SPOCK1: variants seen among roughly 807,000 people sequenced by gnomAD.
SPOCK1 encodes the protein SPARC (osteonectin), cwcv and kazal like domains proteoglycan 1.
A neutral mutation model predicts 55.3 loss-of-function variants in SPOCK1; 23 were observed. The observed-to-expected ratio is 0.42, with a 90% CI of 0.30 to 0.59. The LOEUF (loss-of-function observed/expected upper bound fraction) is 0.59, where lower values mean the gene tolerates loss of function less well. Ranked by LOEUF, SPOCK1 falls within the 20% of genes least tolerant of loss-of-function variation. The pLI, the probability that SPOCK1 is intolerant of heterozygous loss-of-function variation, is 0.22. For synonymous variants in SPOCK1, 226 were observed against 221.0 expected (o/e 1.02, Z -0.20); for missense variants, 499 against 552.5 (o/e 0.90, Z 0.97).
intron 7 of SPOCK1, among the ~76,000 whole-genome samples, chr5:136,990,298 G>A (rs1176053992): frequency 6.6e-6 from 1 of 151,824 alleles, no homozygotes; most frequent in Non-Finnish European, 1.5e-5. Flanking sequence ...CCTCCTCTGA[G>A]CTCTCTTATA....
intron 2 of SPOCK1, among the ~76,000 whole-genome samples, chr5:137,488,321 G>A (rs1015468681): frequency 1.3e-5 from 2 of 152,092 alleles, no homozygotes; most frequent in African/African-American, 2.4e-5. Context: ...AGGTTGCAGT[G>A]AGCTGAGATC....
intron 2 of SPOCK1, among the ~76,000 whole-genome samples, chr5:137,463,465 A>G (rs943839862): frequency 6.6e-6 from 1 of 150,482 alleles, no homozygotes; most frequent in Non-Finnish European, 1.5e-5. Flanking sequence ...TAAAAATCAA[A>G]ACCATTGAAC....
chr5:137,065,300 A>T (rs1423123753), intron 6 of SPOCK1, among the ~76,000 whole-genome samples: 1 of 151,718 alleles, frequency 6.6e-6, no homozygotes, highest in East Asian at 1.9e-4. Context: ...TTTCTCCTGC[A>T]TTAGGATACT....
chr5:136,983,757 T>A (rs1266014135), intron 9 of SPOCK1, among the ~76,000 whole-genome samples: 2 of 138,588 alleles, frequency 1.4e-5, no homozygotes, highest in Non-Finnish European at 3.3e-5. Flanking sequence ...CCTGACTACA[T>A]AAAGAATTTG....
intron 6 of SPOCK1, among the ~76,000 whole-genome samples, chr5:137,017,279 T>C (rs1403885747): frequency 1.3e-5 from 2 of 151,738 alleles, no homozygotes; most frequent in Non-Finnish European, 2.9e-5. Context: ...TGGCAGTACC[T>C]TGATGTGGTA....
chr5:137,312,600 T>G (rs1390364455), intron 2 of SPOCK1, among the ~76,000 whole-genome samples: 2 of 152,184 alleles, frequency 1.3e-5, no homozygotes, highest in East Asian at 3.9e-4. Context: ...GAAGTGCCAA[T>G]GCAGGAGCCC....
At chr5:137,130,036 C>T (rs531483188) in intron 4 of SPOCK1, among the ~76,000 whole-genome samples, 6 of 152,252 alleles carry the variant, frequency 3.9e-5, no homozygotes, top group Admixed American at 6.5e-5. Flanking sequence ...AAGTTCTTCC[C>T]GTAGTTGGTT....
chr5:137,098,955 G>C (rs1380844585), intron 5 of SPOCK1, among the ~76,000 whole-genome samples: 2 of 145,512 alleles, frequency 1.4e-5, no homozygotes, highest in African/African-American at 2.6e-5. Flanking sequence ...TTCTCAAAGA[G>C]GGGGAAGAAG....
intron 5 of SPOCK1, among the ~76,000 whole-genome samples, chr5:137,080,686 A>AGAAT (rs1035348133): frequency 1.3e-5 from 2 of 152,184 alleles, no homozygotes; most frequent in Non-Finnish European, 2.9e-5. Flanking sequence ...CTTGAGTAAA[A>AGAAT]GAATGAATGA....
At chr5:137,005,271 G>A (rs989369068) in intron 6 of SPOCK1, among the ~76,000 whole-genome samples, 9 of 151,978 alleles carry the variant, frequency 5.9e-5, no homozygotes, top group Non-Finnish European at 1.2e-4. Context: ...CATCCACAAG[G>A]CTTCCTTTTG....
intron 4 of SPOCK1, among the ~76,000 whole-genome samples, chr5:137,131,865 G>T (rs1426275927): frequency 7.2e-6 from 1 of 138,120 alleles, no homozygotes; most frequent in East Asian, 2.2e-4. Flanking sequence ...CCAGCTACTC[G>T]GGAGGCTGAG....
intron 2 of SPOCK1, among the ~76,000 whole-genome samples, chr5:137,348,277 C>G (rs754378889): frequency 3.3e-5 from 5 of 152,166 alleles, no homozygotes; most frequent in Non-Finnish European, 7.4e-5. Flanking sequence ...ATAACAATGA[C>G]AATGTCTGCA....
At chr5:137,089,709 G>C (rs1422894721) in intron 5 of SPOCK1, among the ~76,000 whole-genome samples, 1 of 152,192 alleles carries the variant, frequency 6.6e-6, no homozygotes, top group Non-Finnish European at 1.5e-5. Flanking sequence ...AGTCCCATCA[G>C]ATGCATCATC....
At chr5:137,170,623 G>C (rs1580788504) in intron 3 of SPOCK1, among the ~76,000 whole-genome samples, 1 of 131,958 alleles carries the variant, frequency 7.6e-6, no homozygotes, top group Non-Finnish European at 1.7e-5. Flanking sequence ...CTCTCTCTCT[G>C]TGGACACTAA....
intron 3 of SPOCK1, among the ~76,000 whole-genome samples, chr5:137,207,597 A>C (rs1027406094): frequency 1.3e-5 from 2 of 152,102 alleles, no homozygotes; most frequent in Non-Finnish European, 2.9e-5. Flanking sequence ...GGGTGGACTT[A>C]ATAGAGCCCT....
intron 2 of SPOCK1, among the ~76,000 whole-genome samples, chr5:137,449,905 AAAAAAAAAAAAAGAAAGAAAGAAAAAG>A (rs1753217250): frequency 6.9e-6 from 1 of 145,044 alleles, no homozygotes; most frequent in Admixed American, 6.7e-5. Context: ...AAAAAAAAAA[AAAAAAAAAAAAAGAAAGAAAGAAAAAG>A]AAAGAAAGGA....
intron 3 of SPOCK1, among the ~76,000 whole-genome samples, chr5:137,184,021 T>C (rs1402874102): frequency 1.3e-5 from 2 of 152,232 alleles, no homozygotes; most frequent in African/African-American, 4.8e-5. Context: ...TGACTGCTTC[T>C]GTGCTATTAT....
At chr5:137,357,866 C>T (rs997964355) in intron 2 of SPOCK1, among the ~76,000 whole-genome samples, 1 of 152,134 alleles carries the variant, frequency 6.6e-6, no homozygotes, top group Non-Finnish European at 1.5e-5. Context: ...TGTTAATAAT[C>T]CACCTTTCAT....
At chr5:137,187,155 G>A (rs150109431) in intron 3 of SPOCK1, among the ~76,000 whole-genome samples, 2 of 152,264 alleles carry the variant, frequency 1.3e-5, no homozygotes, top group Non-Finnish European at 2.9e-5. Flanking sequence ...GGATAATGCA[G>A]CATGCCGCCC....
Sources: gnomAD v4.1 joint callset for allele counts (sites outside exome capture counted in the v4.1 genomes callset) on GRCh38, gnomAD v4.1.1 for gene constraint, MANE v1.5 for transcripts, NCBI Gene and HGNC (gene_info 2026-07-23, HGNC 2026-07-21) for gene names.